GFRA1: variants seen among roughly 807,000 people sequenced by gnomAD.
GFRA1 encodes the protein GDNF family receptor alpha 1.
Under a neutral mutation model 51.6 loss-of-function variants are expected in GFRA1, and 16 were observed. The ratio of observed to expected loss-of-function variants is 0.31; its 90% confidence interval spans 0.21 to 0.47. GFRA1 has a LOEUF of 0.47. Ranked by LOEUF, GFRA1 falls within the 20% of genes least tolerant of loss-of-function variation. The pLI, the probability that GFRA1 is intolerant of heterozygous loss-of-function variation, is 1.00. For synonymous variants in GFRA1, 270 were observed against 241.3 expected, an observed-to-expected ratio of 1.12 and a Z score of -1.10; for missense variants, 530 against 594.3, an observed-to-expected ratio of 0.89 and a Z score of 1.13.
rs186951505 is a variant in GFRA1, at chr10:116,181,146, T to C, written c.433+30485A>G. 1.9e-3 allele frequency among the ~76,000 whole-genome samples: 282 copies of C among 152,356 alleles called. 1 individual carries two copies. The highest frequency in any genetic ancestry group is 6.2e-3 in the African/African-American group (256 of 41,586). On this transcript the variant is annotated intron_variant, in intron 5 of 10. Coordinates refer to ENST00000355422, the MANE Select transcript of GFRA1 (RefSeq NM_005264.8). ...ACAAAGATGTTATTATTCTTATGCC[T>C]ATAGGTATAATAAGGTGCTTGTGAT...
intron 5 of GFRA1, among the ~76,000 whole-genome samples, chr10:116,129,991 A>G (rs1958039569): frequency 6.6e-6 from 1 of 151,768 alleles, no homozygotes; most frequent in South Asian, 2.1e-4. Context: ...AATCAAGCTA[A>G]TTAACATAGC....
Position 116,061,822 on chromosome 10 carries a change from G to A in GFRA1, c.*2576C>T, listed in dbSNP as rs1954832635. ...TTAACTTATTGTGCTCCAGTTCTGG[G>A]GCAAATGATGGTGTTTTAGGGTCAC... On this transcript the variant is annotated 3_prime_UTR_variant, in exon 11 of 11. Coordinates refer to ENST00000355422, the MANE Select transcript of GFRA1 (RefSeq NM_005264.8). 1 of 396,172 alleles carries A rather than the reference G, an allele frequency of 2.5e-6. No homozygotes were observed. The highest frequency in any genetic ancestry group is 4.4e-6 in the Non-Finnish European group (1 of 225,098). 24.5% of individuals were successfully genotyped at this position (396,172 alleles called of 1,614,324 possible). A position where few individuals can be genotyped will look rare whatever the true frequency, so the allele number is the denominator to read the frequency against.
At position 116,179,643 on chromosome 10, in the gene GFRA1, T is replaced by C. The variant is rs1024459298; in HGVS notation, c.433+31988A>G. ...GATATGGTGGGCCTTTTGGGTTGAG[T>C]GCTTTGGGACACAGAGATCTGCTTT... On this transcript the variant is annotated intron_variant, in intron 5 of 10. Coordinates refer to ENST00000355422, the MANE Select transcript of GFRA1 (RefSeq NM_005264.8). Among the ~76,000 whole-genome samples, 23 of 152,076 alleles carry C rather than the reference T, an allele frequency of 1.5e-4. 1 individual carries two copies. The highest frequency in any genetic ancestry group is 3.4e-4 in the African/African-American group (14 of 41,392).
chr10:116,191,728 T>C (rs548870145), intron 5 of GFRA1, among the ~76,000 whole-genome samples: 54 of 152,324 alleles, frequency 3.5e-4, no homozygotes, highest in Non-Finnish European at 7.1e-4. Context: ...TAGTTTTCAG[T>C]TAAAGGTAGA....
intron 9 of GFRA1, among the ~76,000 whole-genome samples, chr10:116,087,080 T>C (rs7909064): frequency 2.6e-5 from 4 of 151,974 alleles, no homozygotes; most frequent in Non-Finnish European, 5.9e-5. Context: ...GGAAGCAGAG[T>C]TCCTATCACT....
intron 4 of GFRA1, among the ~76,000 whole-genome samples, chr10:116,225,561 C>A (rs7913011): frequency 3.2e-4 from 38 of 120,228 alleles, no homozygotes; most frequent in African/African-American, 7.8e-4. Context: ...AAAAAAAAAA[C>A]TAAAATGATA....
intron 5 of GFRA1, among the ~76,000 whole-genome samples, chr10:116,201,826 C>T (rs779729913): frequency 6.6e-6 from 1 of 152,152 alleles, no homozygotes; most frequent in Non-Finnish European, 1.5e-5. Flanking sequence ...CCCCCCTCAC[C>T]TCTGCCACCT....
chr10:116,238,325 T>G (rs745831693), intron 4 of GFRA1, among the ~76,000 whole-genome samples: 13 of 152,194 alleles, frequency 8.5e-5, no homozygotes, highest in Non-Finnish European at 1.5e-5. Flanking sequence ...TTACTTCATC[T>G]GACTTCTAAG....
At position 116,272,123 on chromosome 10, in the gene GFRA1, A is replaced by C; in HGVS notation, c.-94T>G. On this transcript the variant is annotated 5_prime_UTR_variant, in exon 2 of 11. Transcript: ENST00000355422. The surrounding 1 kb of genome is among the most constrained non-coding windows in gnomAD (Gnocchi z 4.4). ...GAGCTCAGCGTGCAGCGATCCCCGG[A>C]CAGCTGTGCTGCTCTGGCCGCCCAA... The C allele has an allele frequency of 9.2e-7, 1 of 1,085,254 alleles. No individual in the cohort carries two copies. The highest frequency in any genetic ancestry group is 1.4e-6 in the Non-Finnish European group (1 of 723,768). The allele number at this position is 1,085,254 out of a possible 1,614,324, so 67.2% of individuals were successfully genotyped here. A position where few individuals can be genotyped will look rare whatever the true frequency, so the allele number is the denominator to read the frequency against.
At chr10:116,106,835 A>T (rs145268907) in intron 6 of GFRA1, among the ~76,000 whole-genome samples, 152 of 151,990 alleles carry the variant, frequency 1.0e-3, no homozygotes, top group African/African-American at 3.6e-3. Context: ...ACAGGGACAG[A>T]TCCCTCATGG....
intron 5 of GFRA1, among the ~76,000 whole-genome samples, chr10:116,200,814 T>G (rs1964272292): frequency 6.6e-6 from 1 of 152,196 alleles, no homozygotes; most frequent in Non-Finnish European, 1.5e-5. Context: ...ACATTGGGGT[T>G]AGGATTTTAA....
At chr10:116,194,481 G>T (rs533149106) in intron 5 of GFRA1, among the ~76,000 whole-genome samples, 2 of 152,212 alleles carry the variant, frequency 1.3e-5, no homozygotes, top group South Asian at 4.2e-4. Context: ...TAAAATTTCT[G>T]GTATAGATTT....
chr10:116,140,005 A>T (rs1958495361), intron 5 of GFRA1, among the ~76,000 whole-genome samples: 1 of 152,238 alleles, frequency 6.6e-6, no homozygotes, highest in African/African-American at 2.4e-5. Context: ...ATGGGTCCTG[A>T]GAATTTCTCC....
In GFRA1 at chr10:116,057,741, T is replaced by C. The variant is rs564166436; in HGVS notation, c.*6657A>G. The C allele has an allele frequency of 6.6e-6, 1 of 151,528 alleles. No individual in the cohort carries two copies. The highest frequency in any genetic ancestry group is 1.5e-5 in the Non-Finnish European group (1 of 67,846). 9.4% of individuals were successfully genotyped at this position (151,528 alleles called of 1,614,324 possible). On this transcript the variant is annotated 3_prime_UTR_variant, in exon 11 of 11. Coordinates refer to ENST00000355422, the MANE Select transcript of GFRA1 (RefSeq NM_005264.8). ...ATTCAGGTTTCTGAAACTGTTTTTT[T>C]TTTTTCAACCCTCGGAGGACAATCA...
chr10:116,159,020 A>G (rs1708925980), intron 5 of GFRA1, among the ~76,000 whole-genome samples: 1 of 152,226 alleles, frequency 6.6e-6, no homozygotes, highest in Admixed American at 6.5e-5. Flanking sequence ...GTGCTTTACC[A>G]TCCTCTAAGT....
chr10:116,166,481 T>C lies in GFRA1; in HGVS notation c.434-40924A>G, dbSNP rs1332881343. Reference sequence around the variant, plus strand: ...CCGTGGGACCACTTCACTTCTCTCTTGCATCTTCAACACATCTCTCTCCAC... The same window carrying C: ...CCGTGGGACCACTTCACTTCTCTCTCGCATCTTCAACACATCTCTCTCCAC... On this transcript the variant is annotated intron_variant, in intron 5 of 10. Coordinates refer to ENST00000355422, the MANE Select transcript of GFRA1 (RefSeq NM_005264.8). 2.0e-5 allele frequency among the ~76,000 whole-genome samples: 3 copies of C among 152,174 alleles called. No homozygotes were observed. In the South Asian group the frequency reaches 6.2e-4, roughly 32 times the overall value.
chr10:116,188,443 G>T (rs1962933876), intron 5 of GFRA1, among the ~76,000 whole-genome samples: 1 of 152,190 alleles, frequency 6.6e-6, no homozygotes, highest in Non-Finnish European at 1.5e-5. Flanking sequence ...TAGAACAGTG[G>T]TTGCCAGCGT....
intron 5 of GFRA1, among the ~76,000 whole-genome samples, chr10:116,169,435 T>C (rs1158268067): frequency 6.6e-6 from 1 of 152,208 alleles, no homozygotes; most frequent in Non-Finnish European, 1.5e-5. Context: ...CACATCCCTG[T>C]TTTCCCGCCC....
chr10:116,079,255 G>A (rs751841435), intron 9 of GFRA1, among the ~76,000 whole-genome samples: 6 of 152,034 alleles, frequency 3.9e-5, no homozygotes, highest in East Asian at 1.9e-4. Flanking sequence ...CCAGAGCTAT[G>A]AGAAATAAAT....
Sources: gnomAD v4.1 joint callset for allele counts (sites outside exome capture counted in the v4.1 genomes callset) on GRCh38, gnomAD v4.1.1 for gene constraint, Gnocchi (gnomAD v3.1) non-coding constraint, MANE v1.5 for transcripts, NCBI Gene and HGNC (gene_info 2026-07-23, HGNC 2026-07-21) for gene names.